Variants in HPSE2 observed in about 807,000 individuals in gnomAD.
HPSE2 encodes heparanase 2 (inactive), also known as inactive heparanase-2.
A neutral mutation model predicts 60.5 loss-of-function variants in HPSE2; 38 were observed. That is an observed-to-expected ratio of 0.63 (90% CI 0.48 to 0.82). The LOEUF is 0.82. HPSE2 is among the 40% of genes least tolerant of loss of function. The pLI is 0.00. For synonymous variants in HPSE2, 295 were observed against 293.2 expected (o/e 1.01, Z -0.06); for missense variants, 713 against 740.4 (o/e 0.96, Z 0.43).
intron 4 of HPSE2, among the ~76,000 whole-genome samples, chr10:98,728,106 C>T (rs561863600): frequency 6.6e-6 from 1 of 152,102 alleles, no homozygotes; most frequent in East Asian, 1.9e-4. Context: ...CAAAATCACA[C>T]AAAGAAATAA....
At chr10:99,285,023 A>T in the HPSE2 span, among the ~76,000 whole-genome samples, 2 of 152,318 alleles carry the variant, frequency 1.3e-5, no homozygotes, top group African/African-American at 4.8e-5. Flanking sequence ...TGACAAATAG[A>T]CAATTCAATT....
chr10:98,906,968 A>G (rs1286452385), intron 3 of HPSE2, among the ~76,000 whole-genome samples: 1 of 152,152 alleles, frequency 6.6e-6, no homozygotes, highest in East Asian at 1.9e-4. Flanking sequence ...TTCATTTACT[A>G]TTATGCCAAT....
At chr10:99,008,686 C>T (rs566315650) in intron 3 of HPSE2, among the ~76,000 whole-genome samples, 77 of 152,224 alleles carry the variant, frequency 5.1e-4, no homozygotes, top group Admixed American at 1.0e-3. Context: ...AAATATATTG[C>T]GTTTAATGTG....
intron 3 of HPSE2, among the ~76,000 whole-genome samples, chr10:99,061,652 A>C (rs549040957): frequency 6.6e-6 from 1 of 152,270 alleles, no homozygotes; most frequent in African/African-American, 2.4e-5. Context: ...CCATATTTTC[A>C]CCTAAGTTGG....
chr10:99,024,511 G>A (rs1160690075), intron 3 of HPSE2, among the ~76,000 whole-genome samples: 1 of 151,920 alleles, frequency 6.6e-6, no homozygotes, highest in Non-Finnish European at 1.5e-5. Context: ...TTACTCAAAG[G>A]GATAATAACA....
intron 9 of HPSE2, among the ~76,000 whole-genome samples, chr10:98,499,698 T>G (rs117722611): frequency 1.7e-3 from 265 of 152,320 alleles, no homozygotes; most frequent in Non-Finnish European, 3.1e-3. Context: ...TGAATGTAAA[T>G]GGCCTCCATG....
the HPSE2 span, among the ~76,000 whole-genome samples, chr10:99,285,395 A>C: frequency 6.7e-6 from 1 of 149,838 alleles, no homozygotes. Context: ...GTGCCACTGC[A>C]CTCCAGCCTG....
At chr10:99,035,815 A>C (rs1247191323) in intron 3 of HPSE2, among the ~76,000 whole-genome samples, 1 of 152,192 alleles carries the variant, frequency 6.6e-6, no homozygotes, top group Non-Finnish European at 1.5e-5. Flanking sequence ...TATGCAGTGC[A>C]TGACTGTACA....
At chr10:98,823,293 C>T (rs370715401) in intron 3 of HPSE2, among the ~76,000 whole-genome samples, 10 of 152,282 alleles carry the variant, frequency 6.6e-5, no homozygotes, top group East Asian at 3.9e-4. Context: ...GTTACAGCAG[C>T]AGTCAAAATG....
intron 11 of HPSE2, among the ~76,000 whole-genome samples, chr10:98,465,617 C>T (rs920769677): frequency 3.3e-5 from 5 of 152,230 alleles, no homozygotes; most frequent in Non-Finnish European, 7.3e-5. Flanking sequence ...TTCTGGCTTC[C>T]TGACCACCTC....
intron 9 of HPSE2, among the ~76,000 whole-genome samples, chr10:98,604,542 A>G (rs1234211019): frequency 1.3e-5 from 2 of 152,198 alleles, no homozygotes; most frequent in Non-Finnish European, 2.9e-5. Context: ...GAGAAGAAAG[A>G]GAAAGGAATC....
intron 9 of HPSE2, among the ~76,000 whole-genome samples, chr10:98,565,387 T>C (rs1218651400): frequency 6.6e-6 from 1 of 152,160 alleles, no homozygotes; most frequent in Non-Finnish European, 1.5e-5. Context: ...CCATGTGTTC[T>C]CATTGTCCGA....
At chr10:98,497,622 A>T (rs1016958548) in intron 9 of HPSE2, among the ~76,000 whole-genome samples, 1 of 152,136 alleles carries the variant, frequency 6.6e-6, no homozygotes, top group Non-Finnish European at 1.5e-5. Context: ...TTTGAAATTG[A>T]TACATAATCA....
the HPSE2 span, among the ~76,000 whole-genome samples, chr10:99,298,601 T>C: frequency 1.1e-4 from 17 of 152,126 alleles, no homozygotes; most frequent in African/African-American, 3.9e-4. Context: ...TTTGTCATAA[T>C]GATACTGTAC....
chr10:98,863,588 T>G (rs533451265), intron 3 of HPSE2, among the ~76,000 whole-genome samples: 77 of 152,280 alleles, frequency 5.1e-4, no homozygotes, highest in Non-Finnish European at 8.5e-4. Context: ...TGTAGCCTCC[T>G]GTTTCAAGTT....
intron 3 of HPSE2, among the ~76,000 whole-genome samples, chr10:98,876,557 C>T (rs537874654): frequency 2.6e-4 from 40 of 151,850 alleles, no homozygotes; most frequent in Non-Finnish European, 4.3e-4. Context: ...TAAAACCCAC[C>T]TTTTCTATTT....
At chr10:99,124,075 T>C (rs1845069492) in intron 3 of HPSE2, among the ~76,000 whole-genome samples, 1 of 152,060 alleles carries the variant, frequency 6.6e-6, no homozygotes, top group African/African-American at 2.4e-5. Flanking sequence ...TCCTATCCAA[T>C]TTCAGAGCAA....
At chr10:99,190,027 G>A (rs1848165846) in intron 2 of HPSE2, among the ~76,000 whole-genome samples, 1 of 152,096 alleles carries the variant, frequency 6.6e-6, no homozygotes, top group Non-Finnish European at 1.5e-5. Flanking sequence ...TTCTCTCTAT[G>A]GGCTTTTTCT....
At chr10:98,769,607 A>G (rs1231819087) in intron 3 of HPSE2, among the ~76,000 whole-genome samples, 1 of 152,160 alleles carries the variant, frequency 6.6e-6, no homozygotes. Context: ...GGGAAGAGCA[A>G]TGACTATGTA....
Sources: allele counts gnomAD v4.1 joint callset (sites outside exome capture counted in the v4.1 genomes callset), GRCh38; gene constraint gnomAD v4.1.1; transcripts MANE v1.5; gene names NCBI Gene and HGNC (gene_info 2026-07-23, HGNC 2026-07-21).